Variants in DEPDC1B observed in about 807,000 individuals in gnomAD.
DEPDC1B encodes the protein DEP domain containing 1B, also known as DEP domain-containing protein 1B.
Under a neutral mutation model 66.5 loss-of-function variants are expected in DEPDC1B, and 51 were observed. The observed-to-expected ratio is 0.77, with a 90% CI of 0.61 to 0.97. DEPDC1B has a LOEUF of 0.97. Among genes scored for constraint, DEPDC1B ranks in the 50% least tolerant of loss-of-function variants. The pLI is 0.00. For synonymous variants in DEPDC1B, 226 were observed against 223.6 expected (o/e 1.01, Z -0.10); for missense variants, 552 against 637.1 (o/e 0.87, Z 1.44).
intron 8 of DEPDC1B, 47 bp downstream of exon 8, chr5:60,605,643 C>A: frequency 3.1e-6 from 5 of 1,588,570 alleles, no homozygotes; most frequent in Middle Eastern, 1.7e-4. Flanking sequence ...CTTACTCAGT[C>A]GACTTTCATT....
chr5:60,654,324 T>C (rs1392723944), intron 2 of DEPDC1B, among the ~76,000 whole-genome samples: 1 of 148,736 alleles, frequency 6.7e-6, no homozygotes, highest in Non-Finnish European at 1.5e-5. Flanking sequence ...TTTCCCCTTC[T>C]TGATTAGGTA....
At chr5:60,668,111 T>A (rs1205018840) in intron 2 of DEPDC1B, among the ~76,000 whole-genome samples, 17 of 77,404 alleles carry the variant, frequency 2.2e-4, no homozygotes, top group South Asian at 8.2e-4. Flanking sequence ...AATGGATATT[T>A]TATATATATA....
At chr5:60,656,057 G>A (rs1394828418) in intron 2 of DEPDC1B, among the ~76,000 whole-genome samples, 1 of 151,786 alleles carries the variant, frequency 6.6e-6, no homozygotes, top group Non-Finnish European at 1.5e-5. Flanking sequence ...CTTGGAGAAT[G>A]TTCCATGTGC....
intron 7 of DEPDC1B, among the ~76,000 whole-genome samples, chr5:60,623,484 A>T (rs1752751672): frequency 6.6e-6 from 1 of 152,104 alleles, no homozygotes; most frequent in African/African-American, 2.4e-5. Flanking sequence ...CCTTTTCTCC[A>T]CATTGTTTTG....
At chr5:60,639,377 T>C (rs1008270724) in intron 6 of DEPDC1B, among the ~76,000 whole-genome samples, 3 of 152,242 alleles carry the variant, frequency 2.0e-5, no homozygotes, top group African/African-American at 4.8e-5. Flanking sequence ...CCTACAGTCA[T>C]AGAGTTGAGC....
intron 7 of DEPDC1B, among the ~76,000 whole-genome samples, chr5:60,613,129 T>G (rs1054048507): frequency 6.6e-6 from 1 of 152,196 alleles, no homozygotes; most frequent in Non-Finnish European, 1.5e-5. Context: ...AAAGTCTGCA[T>G]AACAAAAACA....
At chr5:60,621,858 T>G (rs1752710913) in intron 7 of DEPDC1B, among the ~76,000 whole-genome samples, 2 of 152,170 alleles carry the variant, frequency 1.3e-5, no homozygotes, top group Admixed American at 1.3e-4. Context: ...ATTCAAATGT[T>G]TTCTGAACGT....
At chr5:60,646,083 G>A (rs143484021) in intron 3 of DEPDC1B, among the ~76,000 whole-genome samples, 114 of 152,276 alleles carry the variant, frequency 7.5e-4, no homozygotes, top group African/African-American at 2.5e-3. Flanking sequence ...TGCAATGTTC[G>A]AAAGTAGCCC....
chr5:60,643,949 T>C (rs1010462450), intron 5 of DEPDC1B, among the ~76,000 whole-genome samples: 1 of 152,194 alleles, frequency 6.6e-6, no homozygotes, highest in Non-Finnish European at 1.5e-5. Flanking sequence ...CTACATTCTG[T>C]CTGCTTCCCA....
At chr5:60,693,583 A>G (rs2112047638) in intron 1 of DEPDC1B, among the ~76,000 whole-genome samples, 1 of 152,290 alleles carries the variant, frequency 6.6e-6, no homozygotes, top group South Asian at 2.1e-4. Flanking sequence ...GCTGGAAAAA[A>G]TCTTTGGGAC....
In DEPDC1B at chr5:60,642,866, GA is replaced by G. The variant is rs753030295; in HGVS notation, c.710-8del. On this transcript the variant is annotated splice_region_variant and splice_polypyrimidine_tract_variant and intron_variant, in intron 5 of 10. Coordinates refer to ENST00000265036, the MANE Select transcript of DEPDC1B (RefSeq NM_018369.3). ...ACCCAATGAGGAAGTTCTTCTGAAG[GA>G]AAAAGAAAATTTGTACTCAATTCCA... 4.0e-5 allele frequency: 64 copies of G among 1,608,298 alleles called. No homozygotes were observed. The highest frequency in any genetic ancestry group is 3.8e-4 in the Middle Eastern group (2 of 5,300).
At chr5:60,631,274 T>C (rs1012671236) in intron 7 of DEPDC1B, among the ~76,000 whole-genome samples, 3 of 152,176 alleles carry the variant, frequency 2.0e-5, no homozygotes, top group African/African-American at 4.8e-5. Flanking sequence ...TGAAAGACAA[T>C]GGCAGCCTCA....
chr5:60,613,110 G>C (rs1752457804), intron 7 of DEPDC1B, among the ~76,000 whole-genome samples: 1 of 152,126 alleles, frequency 6.6e-6, no homozygotes, highest in African/African-American at 2.4e-5. Context: ...GCCATGATTT[G>C]ACCCTTACAA....
intron 2 of DEPDC1B, among the ~76,000 whole-genome samples, chr5:60,660,518 A>G (rs1753689310): frequency 6.6e-6 from 1 of 152,226 alleles, no homozygotes; most frequent in East Asian, 1.9e-4. Context: ...GACAACCCAC[A>G]GCCTTCCTAT....
chr5:60,680,569 C>T (rs923009699), intron 2 of DEPDC1B, among the ~76,000 whole-genome samples: 1 of 152,142 alleles, frequency 6.6e-6, no homozygotes, highest in Non-Finnish European at 1.5e-5. Flanking sequence ...AATTCCCTCT[C>T]TTCAAAATAT....
chr5:60,699,053 T>C (rs1754717657), intron 1 of DEPDC1B, among the ~76,000 whole-genome samples: 1 of 152,198 alleles, frequency 6.6e-6, no homozygotes, highest in South Asian at 2.1e-4. Flanking sequence ...CTATGATTTC[T>C]CTTCCAGAAG....
At chr5:60,636,355 C>A (rs1037505446) in intron 7 of DEPDC1B, among the ~76,000 whole-genome samples, 1 of 152,174 alleles carries the variant, frequency 6.6e-6, no homozygotes, top group Non-Finnish European at 1.5e-5. Flanking sequence ...TGCTCTCATA[C>A]AGCTTTGCCA....
At chr5:60,696,167 T>A (rs1030655328) in intron 1 of DEPDC1B, among the ~76,000 whole-genome samples, 1 of 152,176 alleles carries the variant, frequency 6.6e-6, no homozygotes, top group Non-Finnish European at 1.5e-5. Context: ...AGAATTTTAC[T>A]CTTCAGCATG....
At chr5:60,647,687 C>T in intron 2 of DEPDC1B, 154 bp from the exon 3 acceptor site, 1 of 653,400 alleles carries the variant, frequency 1.5e-6, no homozygotes. Context: ...TTAAACTGCT[C>T]TATACCATAC....
Sources: gnomAD v4.1 joint callset for allele counts (sites outside exome capture counted in the v4.1 genomes callset) on GRCh38, gnomAD v4.1.1 for gene constraint, MANE v1.5 for transcripts, NCBI Gene and HGNC (gene_info 2026-07-23, HGNC 2026-07-21) for gene names.